EPHA6: variants seen among roughly 807,000 people sequenced by gnomAD.
EPHA6 encodes the protein EPH receptor A6.
Under a neutral mutation model 112.0 loss-of-function variants are expected in EPHA6, and 50 were observed. The ratio of observed to expected loss-of-function variants is 0.45; its 90% CI spans 0.36 to 0.56. The LOEUF (loss-of-function observed/expected upper bound fraction) is 0.56. Ranked by LOEUF, EPHA6 falls within the 20% of genes least tolerant of loss-of-function variation. The pLI, the probability that EPHA6 is intolerant of heterozygous loss-of-function variation, is 0.00. For missense variants in EPHA6, 1,280 were observed against 1,417.4 expected, an observed-to-expected ratio of 0.90 and a Z score of 1.56; for synonymous variants, 529 against 490.7, an observed-to-expected ratio of 1.08 and a Z score of -1.03.
intron 6 of EPHA6, among the ~76,000 whole-genome samples, chr3:97,422,656 T>C (rs2088768284): frequency 6.6e-6 from 1 of 152,030 alleles, no homozygotes; most frequent in Non-Finnish European, 1.5e-5. Context: ...GCACATACTC[T>C]AAAATCAACC....
chr3:97,157,879 C>T (rs1021008383), intron 3 of EPHA6, among the ~76,000 whole-genome samples: 6 of 152,106 alleles, frequency 3.9e-5, no homozygotes, highest in African/African-American at 9.7e-5. Flanking sequence ...TCGAGAAACA[C>T]GTTCACAAAC....
rs530132970 is a variant in EPHA6 at position 97,385,861 on chromosome 3, C to T, written c.1607-19289C>T. Among the ~76,000 whole-genome samples, 8 of 152,258 alleles carry T rather than the reference C, an allele frequency of 5.3e-5. No individual in the cohort carries two copies. In the East Asian group the frequency reaches 1.5e-3, roughly 29 times the overall value. ...AAACAAAAGTGTTAAACAACCAGAT[C>T]TTGTGAGAACTCGTGCACTATCACA... On this transcript the variant is annotated intron_variant, in intron 5 of 17. Coordinates refer to ENST00000389672, the MANE Select transcript of EPHA6 (RefSeq NM_001080448.3).
At chr3:97,210,572 C>T (rs142668447) in intron 3 of EPHA6, among the ~76,000 whole-genome samples, 1 of 152,216 alleles carries the variant, frequency 6.6e-6, no homozygotes, top group Non-Finnish European at 1.5e-5. Context: ...TCCATCACTT[C>T]CCTAGATTGC....
intron 14 of EPHA6, among the ~76,000 whole-genome samples, chr3:97,647,260 C>T (rs900808833): frequency 2.6e-5 from 4 of 152,062 alleles, no homozygotes; most frequent in African/African-American, 9.7e-5. Flanking sequence ...TAAATGGCTA[C>T]ACAGGAATAA....
At chr3:97,316,108 T>C (rs1184414424) in intron 5 of EPHA6, among the ~76,000 whole-genome samples, 3 of 151,822 alleles carry the variant, frequency 2.0e-5, no homozygotes, top group Non-Finnish European at 4.4e-5. Context: ...TAAATGATTT[T>C]AAAATGAAAT....
At chr3:97,646,274 C>G (rs890987269) in intron 14 of EPHA6, 2 of 1,531,890 alleles carry the variant, frequency 1.3e-6, no homozygotes, top group African/African-American at 1.4e-5. Flanking sequence ...GTGGCCAGAC[C>G]AGAAAGCAAT....
intron 5 of EPHA6, among the ~76,000 whole-genome samples, chr3:97,311,744 T>G (rs1426698601): frequency 6.6e-6 from 1 of 151,758 alleles, no homozygotes; most frequent in African/African-American, 2.4e-5. Context: ...GTTCTTCTTT[T>G]TGAGATCTGT....
chr3:97,315,354 G>A (rs190768378), intron 5 of EPHA6, among the ~76,000 whole-genome samples: 110 of 151,622 alleles, frequency 7.3e-4, no homozygotes, highest in Middle Eastern at 6.9e-3. Context: ...TAATTGTTTC[G>A]CATAAAGTCG....
At chr3:96,928,421 G>T (rs2040150248) in intron 2 of EPHA6, among the ~76,000 whole-genome samples, 1 of 152,304 alleles carries the variant, frequency 6.6e-6, no homozygotes, top group African/African-American at 2.4e-5. Context: ...TTTGCATGTA[G>T]TTGTGTGGTT....
intron 2 of EPHA6, among the ~76,000 whole-genome samples, chr3:96,920,184 G>A (rs1473267189): frequency 1.3e-5 from 2 of 151,878 alleles, no homozygotes; most frequent in African/African-American, 4.8e-5. Context: ...AAGCTATTTT[G>A]TGCTTCTGTG....
chr3:97,656,463 T>C (rs943062787), intron 14 of EPHA6, among the ~76,000 whole-genome samples: 2 of 151,824 alleles, frequency 1.3e-5, no homozygotes, highest in Non-Finnish European at 2.9e-5. Context: ...CTATAAATAA[T>C]GATTAGGAGA....
intron 14 of EPHA6, among the ~76,000 whole-genome samples, chr3:97,705,129 C>T (rs1227784027): frequency 2.0e-5 from 3 of 152,084 alleles, no homozygotes; most frequent in Admixed American, 6.6e-5. Flanking sequence ...TTCATGATCT[C>T]TCCCCTGCTT....
At chr3:97,649,095 G>A (rs1056786259) in intron 14 of EPHA6, among the ~76,000 whole-genome samples, 9 of 152,024 alleles carry the variant, frequency 5.9e-5, no homozygotes, top group Admixed American at 1.3e-4. Context: ...CTGTTTTCTC[G>A]CTGCTAATAA....
intron 2 of EPHA6, among the ~76,000 whole-genome samples, chr3:96,883,814 C>G (rs1290334708): frequency 6.6e-6 from 1 of 151,960 alleles, no homozygotes; most frequent in Non-Finnish European, 1.5e-5. Flanking sequence ...ATTACAGGTA[C>G]CCGCCACCAC....
At position 96,987,744 on chromosome 3, in the gene EPHA6, A is replaced by G. The variant is rs372852808; in HGVS notation, c.865A>G (p.Ile289Val). Residue 289 changes from isoleucine to valine, a missense_variant, in exon 3 of 18, where the codon ATT becomes GTT. This residue lies in a region of EPHA6 where 878 missense variants were observed against 999.7 expected (regional missense o/e 0.88). Coordinates refer to ENST00000389672, the MANE Select transcript of EPHA6 (RefSeq NM_001080448.3). Reference protein sequence around the residue: ...YLAFQDIGACIALVSVRVFYK... With the variant: ...YLAFQDIGACVALVSVRVFYK... ...GGCTTTTCAAGACATTGGGGCGTGC[A>G]TTGCCCTGGTTTCAGTCCGTGTTTT... is the stretch of plus-strand genomic sequence containing the variant. 5.6e-6 allele frequency: 9 copies of G among 1,613,108 alleles called. No homozygotes were observed. In the African/African-American group the frequency reaches 6.7e-5, roughly 12 times the overall value.
intron 3 of EPHA6, among the ~76,000 whole-genome samples, chr3:97,052,021 T>C (rs2108088126): frequency 6.6e-6 from 1 of 152,288 alleles, no homozygotes; most frequent in Non-Finnish European, 1.5e-5. Flanking sequence ...GTGCCAACTA[T>C]AAATTTGTTT....
chr3:97,119,735 A>C (rs2108299957), intron 3 of EPHA6, among the ~76,000 whole-genome samples: 1 of 152,158 alleles, frequency 6.6e-6, no homozygotes, highest in East Asian at 1.9e-4. Context: ...GCAAAGAATG[A>C]ACATATAATT....
chr3:97,114,109 A>T (rs1372793615), intron 3 of EPHA6, among the ~76,000 whole-genome samples: 1 of 152,126 alleles, frequency 6.6e-6, no homozygotes, highest in Non-Finnish European at 1.5e-5. Context: ...AACTGGATTT[A>T]GCAGAAGTAG....
intron 14 of EPHA6, among the ~76,000 whole-genome samples, chr3:97,713,970 C>T (rs1202643876): frequency 6.6e-6 from 1 of 152,160 alleles, no homozygotes. Flanking sequence ...CTCACTGGAC[C>T]AAGACACACA....
Sources: gnomAD v4.1 joint callset for allele counts (sites outside exome capture counted in the v4.1 genomes callset) on GRCh38, gnomAD v4.1.1 for gene constraint, gnomAD v4.1.1 regional missense constraint, MANE v1.5 for transcripts, NCBI Gene and HGNC (gene_info 2026-07-23, HGNC 2026-07-21) for gene names.